LANCL3: variants seen among roughly 807,000 people sequenced by gnomAD.
LANCL3 encodes the protein LanC like family member 3.
LANCL3 carries 19 observed loss-of-function variants against 26.5 expected under a neutral mutation model. The observed-to-expected ratio is 0.72, with a 90% confidence interval of 0.50 to 1.05. The LOEUF (loss-of-function observed/expected upper bound fraction) is 1.05. Ranked by LOEUF, LANCL3 falls within the 50% of genes least tolerant of loss-of-function variation. The pLI is 0.00. For missense variants in LANCL3, 318 were observed against 362.7 expected (o/e 0.88, Z 1.00); for synonymous variants, 160 against 166.6 (o/e 0.96, Z 0.30).
At chrX:37,653,070 G>T (rs1437180057) in intron 1 of LANCL3, among the ~76,000 whole-genome samples, 2 of 111,158 alleles carry the variant, frequency 1.8e-5, no homozygotes, top group Non-Finnish European at 3.8e-5. Context: ...CCGAACAAGC[G>T]CCGGTTTCTC....
chrX:37,660,105 T>G (rs1194758346), intron 3 of LANCL3, among the ~76,000 whole-genome samples: 1 of 111,677 alleles, frequency 9.0e-6, no homozygotes, highest in Non-Finnish European at 1.9e-5. Context: ...CAGCATATAC[T>G]TTATACTTAT....
chrX:37,626,826 T>C (rs188039741), intron 1 of LANCL3, among the ~76,000 whole-genome samples: 56 of 112,136 alleles, frequency 5.0e-4, no homozygotes, highest in Non-Finnish European at 9.0e-4. Flanking sequence ...AACAGAGCTT[T>C]ACCAAAGGCA....
chrX:37,585,439 T>C (rs1924038085), intron 1 of LANCL3, among the ~76,000 whole-genome samples: 1 of 111,682 alleles, frequency 9.0e-6, no homozygotes, highest in Non-Finnish European at 1.9e-5. Context: ...CTAAGTGTCT[T>C]TCTAGGTCTC....
intron 1 of LANCL3, among the ~76,000 whole-genome samples, chrX:37,631,188 A>G (rs1556424216): frequency 1.8e-5 from 2 of 111,628 alleles, no homozygotes; most frequent in African/African-American, 6.5e-5. Context: ...GGGAGGGTGT[A>G]TGTGTCGAGA....
chrX:37,609,561 G>A (rs903391554), intron 1 of LANCL3, among the ~76,000 whole-genome samples: 9 of 111,655 alleles, frequency 8.1e-5, no homozygotes, highest in African/African-American at 2.9e-4. Context: ...GACCACATGG[G>A]TCCTTGAATT....
intron 4 of LANCL3, among the ~76,000 whole-genome samples, chrX:37,673,923 G>A (rs1392194737): frequency 6.3e-5 from 7 of 111,399 alleles, no homozygotes; most frequent in African/African-American, 2.3e-4. Flanking sequence ...TTTATTATAT[G>A]TTTATGTAAA....
chrX:37,641,531 A>G (rs1411499266), intron 1 of LANCL3, among the ~76,000 whole-genome samples: 1 of 110,811 alleles, frequency 9.0e-6, no homozygotes, highest in Non-Finnish European at 1.9e-5. Flanking sequence ...CTCTACATCC[A>G]AGGAATACAT....
At chrX:37,588,728 G>T (rs1556418498) in intron 1 of LANCL3, among the ~76,000 whole-genome samples, 1 of 112,306 alleles carries the variant, frequency 8.9e-6, no homozygotes, top group Non-Finnish European at 1.9e-5. Flanking sequence ...ACTTTGGCCT[G>T]TTAAAGTGTG....
At chrX:37,598,425 T>A (rs782710172) in intron 1 of LANCL3, among the ~76,000 whole-genome samples, 22 of 111,958 alleles carry the variant, frequency 2.0e-4, no homozygotes, top group Non-Finnish European at 3.9e-4. Context: ...GTAATTCCAG[T>A]GTGCAACCGA....
At chrX:37,619,167 G>A (rs2089074217) in intron 1 of LANCL3, among the ~76,000 whole-genome samples, 1 of 111,587 alleles carries the variant, frequency 9.0e-6, no homozygotes. Flanking sequence ...ATTCAATCTT[G>A]TGCATGGGAT....
intron 2 of LANCL3, among the ~76,000 whole-genome samples, 171 bp downstream of exon 2, chrX:37,655,982 T>A (rs782004528): frequency 8.9e-6 from 1 of 112,187 alleles, no homozygotes; most frequent in Non-Finnish European, 1.9e-5. Flanking sequence ...AAATCACAAG[T>A]TAATATTTGT....
intron 4 of LANCL3, among the ~76,000 whole-genome samples, chrX:37,671,045 A>T (rs1224336023): frequency 9.0e-6 from 1 of 111,249 alleles, no homozygotes; most frequent in Non-Finnish European, 1.9e-5. Flanking sequence ...CTAATATGTA[A>T]TTTTTCATAT....
chrX:37,618,864 C>T (rs782529949), intron 1 of LANCL3, among the ~76,000 whole-genome samples: 2 of 111,796 alleles, frequency 1.8e-5, no homozygotes, highest in Non-Finnish European at 3.8e-5. Flanking sequence ...ACAATTCAAC[C>T]AGGGAATTGT....
intron 1 of LANCL3, among the ~76,000 whole-genome samples, chrX:37,628,311 A>T (rs1175439397): frequency 9.0e-6 from 1 of 111,154 alleles, no homozygotes. Context: ...AAATTGAGGG[A>T]CATCTTGTAA....
rs1858266 is a variant in LANCL3 at position 37,589,637 on chromosome X, A to G, written c.573+17194A>G. Among the ~76,000 whole-genome samples the G allele has an allele frequency of 9.4e-3, 1,044 of 110,891 alleles. 39 individuals are homozygous for G. The highest frequency in any genetic ancestry group is 0.034 in the African/African-American group (989 of 29,507). ...ACTATAAACCCTCCTTCAACCTACT[A>G]CTTGGTGAAGACAGTGGCTGCCAGT... On this transcript the variant is annotated intron_variant, in intron 1 of 4. Transcript: ENST00000378619.
In LANCL3 at chrX:37,632,509, G is replaced by T. The variant is rs187901694; in HGVS notation, c.574-23179G>T. ...GATCCTGTCATTGTGATGTTAGCTG[G>T]TTATTTTGCTCGTTAGTTGATGCAG... On this transcript the variant is annotated intron_variant, in intron 1 of 4. Transcript: ENST00000378619. 6.7e-3 allele frequency among the ~76,000 whole-genome samples: 744 copies of T among 111,153 alleles called. 13 individuals carry two copies. Among genetic ancestry groups the T allele is most frequent in the African/African-American group, 0.024 (715 of 30,305 alleles).
intron 4 of LANCL3, among the ~76,000 whole-genome samples, chrX:37,670,399 A>G (rs1001249445): frequency 8.1e-5 from 9 of 111,631 alleles, no homozygotes; most frequent in African/African-American, 2.9e-4. Context: ...TGTTATGCTT[A>G]AAAAGACCCT....
At chrX:37,597,006 G>A (rs1263225384) in intron 1 of LANCL3, among the ~76,000 whole-genome samples, 5 of 111,620 alleles carry the variant, frequency 4.5e-5, no homozygotes, top group African/African-American at 1.6e-4. Context: ...CCACACTCCT[G>A]CTGACCTAGG....
At chrX:37,647,023 A>G (rs146200166) in intron 1 of LANCL3, among the ~76,000 whole-genome samples, 14,357 of 111,870 alleles carry the variant, frequency 0.13, 755 homozygotes, top group Non-Finnish European at 0.17. Context: ...AGTATTAAAA[A>G]TACCCAGGAG....
Sources: gnomAD v4.1 joint callset for allele counts (sites outside exome capture counted in the v4.1 genomes callset) on GRCh38, gnomAD v4.1.1 for gene constraint, MANE v1.5 for transcripts, NCBI Gene and HGNC (gene_info 2026-07-23, HGNC 2026-07-21) for gene names.